ABTB3: variants seen among roughly 807,000 people sequenced by gnomAD.
ABTB3 encodes the protein ankyrin repeat and BTB domain containing 3.
chr12:107,513,885 G>T, the ABTB3 span, among the ~76,000 whole-genome samples: 1 of 152,274 alleles, frequency 6.6e-6, no homozygotes, highest in African/African-American at 2.4e-5. Flanking sequence ...CATATTTTTT[G>T]TTCAAAATGA....
chr12:107,379,802 A>C, the ABTB3 span, among the ~76,000 whole-genome samples: 2 of 152,210 alleles, frequency 1.3e-5, no homozygotes, highest in African/African-American at 4.8e-5. Flanking sequence ...TAGAAGAACA[A>C]GGGTCAGTTG....
the ABTB3 span, among the ~76,000 whole-genome samples, chr12:107,347,599 G>A: frequency 9.2e-5 from 14 of 152,238 alleles, no homozygotes; most frequent in African/African-American, 3.1e-4. Flanking sequence ...CAGCATGGAG[G>A]TATCAGGGTA....
At chr12:107,511,804 G>A in the ABTB3 span, among the ~76,000 whole-genome samples, 1 of 152,152 alleles carries the variant, frequency 6.6e-6, no homozygotes, top group Non-Finnish European at 1.5e-5. Flanking sequence ...TACCCAAACA[G>A]ATAAGGAATC....
chr12:107,507,262 A>T, the ABTB3 span, among the ~76,000 whole-genome samples: 1 of 152,110 alleles, frequency 6.6e-6, no homozygotes. Context: ...TAAGGAAGAA[A>T]CAAGTGGGTG....
chr12:107,463,438 C>T, the ABTB3 span, among the ~76,000 whole-genome samples: 1 of 152,114 alleles, frequency 6.6e-6, no homozygotes, highest in African/African-American at 2.4e-5. Context: ...CCTTGATTAG[C>T]ACTTTATACA....
At chr12:107,622,985 A>C in the ABTB3 span, among the ~76,000 whole-genome samples, 2 of 152,004 alleles carry the variant, frequency 1.3e-5, no homozygotes, top group African/African-American at 4.8e-5. Flanking sequence ...CAGTGTCTCT[A>C]GACTTCCCCA....
At chr12:107,467,859 T>A in the ABTB3 span, among the ~76,000 whole-genome samples, 1 of 152,132 alleles carries the variant, frequency 6.6e-6, no homozygotes, top group Non-Finnish European at 1.5e-5. Context: ...TGACCGCTAT[T>A]AAACAAACAA....
At chr12:107,335,961 C>T in the ABTB3 span, among the ~76,000 whole-genome samples, 2 of 152,186 alleles carry the variant, frequency 1.3e-5, no homozygotes, top group African/African-American at 4.8e-5. Context: ...ATGACTCTCC[C>T]TTCCTCCTCC....
At chr12:107,411,327 A>G in the ABTB3 span, among the ~76,000 whole-genome samples, 1 of 152,220 alleles carries the variant, frequency 6.6e-6, no homozygotes, top group African/African-American at 2.4e-5. Context: ...TAATTAATTA[A>G]TTGAAATGAA....
At chr12:107,507,899 C>G in the ABTB3 span, among the ~76,000 whole-genome samples, 4 of 152,224 alleles carry the variant, frequency 2.6e-5, no homozygotes, top group Non-Finnish European at 5.9e-5. Flanking sequence ...TCTGTTTGTG[C>G]CATCAGTGTA....
At chr12:107,414,781 A>G in the ABTB3 span, among the ~76,000 whole-genome samples, 3 of 148,468 alleles carry the variant, frequency 2.0e-5, no homozygotes, top group Non-Finnish European at 3.0e-5. Flanking sequence ...GCAGTGGCGC[A>G]ATCTCAGCTC....
chr12:107,575,505 C>T, the ABTB3 span, among the ~76,000 whole-genome samples: 1 of 152,214 alleles, frequency 6.6e-6, no homozygotes, highest in Non-Finnish European at 1.5e-5. Flanking sequence ...CAAAATTCTT[C>T]TCTTAACAGT....
chr12:107,559,383 AAAC>A, the ABTB3 span, among the ~76,000 whole-genome samples: 5 of 151,394 alleles, frequency 3.3e-5, no homozygotes, highest in South Asian at 1.0e-3. Flanking sequence ...CAGGGGGAAA[AAAC>A]AACATTAGCG....
the ABTB3 span, among the ~76,000 whole-genome samples, chr12:107,392,856 C>T: frequency 0.75 from 114,463 of 152,108 alleles, 43,394 homozygotes; most frequent in Non-Finnish European, 0.81. Context: ...CTTTTTCTGG[C>T]GATTTTGTAA....
chr12:107,526,751 A>T, the ABTB3 span, among the ~76,000 whole-genome samples: 3 of 152,168 alleles, frequency 2.0e-5, no homozygotes, highest in Non-Finnish European at 4.4e-5. Flanking sequence ...ATTAATTTAC[A>T]ACTGTATAAA....
At chr12:107,383,470 G>A in the ABTB3 span, among the ~76,000 whole-genome samples, 4 of 152,118 alleles carry the variant, frequency 2.6e-5, no homozygotes, top group East Asian at 1.9e-4. Flanking sequence ...TCTAGATTCC[G>A]GTTTTCTCTT....
chr12:107,465,307 C>T, the ABTB3 span, among the ~76,000 whole-genome samples: 12 of 152,252 alleles, frequency 7.9e-5, no homozygotes, highest in African/African-American at 2.2e-4. Flanking sequence ...TCAGGTCACA[C>T]GTTAAGGTAG....
At chr12:107,516,156 A>C in the ABTB3 span, among the ~76,000 whole-genome samples, 1 of 152,126 alleles carries the variant, frequency 6.6e-6, no homozygotes, top group Non-Finnish European at 1.5e-5. Context: ...CTTAGAAGAA[A>C]ATCCATTGAC....
chr12:107,331,676 G>A, the ABTB3 span, among the ~76,000 whole-genome samples: 3 of 152,190 alleles, frequency 2.0e-5, no homozygotes, highest in Non-Finnish European at 2.9e-5. Flanking sequence ...CCACCCGGAA[G>A]TCTGCACCAC....
Sources: gnomAD v4.1 joint callset for allele counts (sites outside exome capture counted in the v4.1 genomes callset) on GRCh38, gnomAD v4.1.1 for gene constraint, MANE v1.5 for transcripts, NCBI Gene and HGNC (gene_info 2026-07-23, HGNC 2026-07-21) for gene names.